DAB1: variants seen among roughly 807,000 people sequenced by gnomAD.
DAB1 encodes the protein DAB adaptor protein 1, also known as disabled homolog 1.
A neutral mutation model predicts 64.6 loss-of-function variants in DAB1; 15 were observed. That is an observed-to-expected ratio of 0.23 (90% CI 0.16 to 0.36). The LOEUF (loss-of-function observed/expected upper bound fraction) is 0.36, where lower values mean the gene tolerates loss of function less well. DAB1 is among the 10% of genes least tolerant of loss of function. DAB1 has a pLI of 1.00. For synonymous variants in DAB1, 235 were observed against 251.9 expected (o/e 0.93, Z 0.64); for missense variants, 596 against 706.7 (o/e 0.84, Z 1.78).
intron 2 of DAB1, among the ~76,000 whole-genome samples, chr1:57,284,187 G>A (rs1448053967): frequency 1.3e-5 from 2 of 152,106 alleles, no homozygotes; most frequent in African/African-American, 4.8e-5. Context: ...GTAATAGGTT[G>A]GGAATGAATA....
intron 3 of DAB1, among the ~76,000 whole-genome samples, chr1:58,470,152 ATTTATTTT>A (rs1188454211): frequency 8.0e-5 from 4 of 49,990 alleles, no homozygotes; most frequent in South Asian, 1.3e-3. Flanking sequence ...TTATTTATTT[ATTTATTTT>A]TATTTTTAAT....
chr1:57,477,633 C>A (rs190745305), intron 7 of DAB1, among the ~76,000 whole-genome samples: 2 of 152,160 alleles, frequency 1.3e-5, no homozygotes, highest in African/African-American at 4.8e-5. Context: ...ATCATAAAGA[C>A]CTTCATAAAC....
intron 4 of DAB1, among the ~76,000 whole-genome samples, chr1:58,316,285 T>C (rs1223254222): frequency 6.6e-6 from 1 of 152,248 alleles, no homozygotes; most frequent in Non-Finnish European, 1.5e-5. Flanking sequence ...CAGAGCAGAC[T>C]GTCTGGGTCT....
chr1:57,340,176 G>A (rs530085889), intron 1 of DAB1, among the ~76,000 whole-genome samples: 13 of 152,140 alleles, frequency 8.5e-5, no homozygotes, highest in Admixed American at 3.9e-4. Flanking sequence ...GGGAAGGAGA[G>A]GTAACACCAT....
chr1:57,732,799 T>C (rs1243033143), intron 6 of DAB1, among the ~76,000 whole-genome samples: 1 of 152,152 alleles, frequency 6.6e-6, no homozygotes, highest in Non-Finnish European at 1.5e-5. Context: ...AGACTGGTCC[T>C]GGGTCAATGC....
At chr1:57,081,235 G>A (rs548353724) in intron 4 of DAB1, among the ~76,000 whole-genome samples, 1 of 152,284 alleles carries the variant, frequency 6.6e-6, no homozygotes, top group East Asian at 1.9e-4. Context: ...ATATAAGGAA[G>A]ATCACTTAAC....
chr1:58,065,627 C>T (rs768862587), intron 5 of DAB1, among the ~76,000 whole-genome samples: 13 of 152,086 alleles, frequency 8.5e-5, no homozygotes, highest in African/African-American at 2.7e-4. Flanking sequence ...GCGGAGAGTG[C>T]GCAGTGGCCA....
intron 7 of DAB1, among the ~76,000 whole-genome samples, chr1:57,509,749 G>T (rs1234030060): frequency 6.6e-6 from 1 of 152,084 alleles, no homozygotes; most frequent in Non-Finnish European, 1.5e-5. Context: ...CTTACCCTCT[G>T]TGTCTCCTCT....
At chr1:57,174,269 GC>G (rs1316687582) in intron 2 of DAB1, among the ~76,000 whole-genome samples, 1 of 152,058 alleles carries the variant, frequency 6.6e-6, no homozygotes, top group African/African-American at 2.4e-5. Flanking sequence ...TCTGCTCTGG[GC>G]ATTCCAATAC....
chr1:57,079,582 G>T (rs574139564), intron 4 of DAB1, among the ~76,000 whole-genome samples: 4 of 152,226 alleles, frequency 2.6e-5, no homozygotes, highest in Admixed American at 2.0e-4. Context: ...GCTTCCCATG[G>T]CTCTTAGGAT....
chr1:58,382,123 G>T (rs1644395495), intron 3 of DAB1, among the ~76,000 whole-genome samples: 1 of 152,206 alleles, frequency 6.6e-6, no homozygotes, highest in African/African-American at 2.4e-5. Flanking sequence ...TTAAATGGGG[G>T]AGGCAATACA....
At chr1:57,849,019 A>T (rs1300386484) in intron 1 of DAB1, among the ~76,000 whole-genome samples, 1 of 152,208 alleles carries the variant, frequency 6.6e-6, no homozygotes, top group East Asian at 1.9e-4. Flanking sequence ...TTTTAAAACA[A>T]GTCTTCTGTT....
intron 7 of DAB1, among the ~76,000 whole-genome samples, chr1:57,553,410 G>GAAAAAGAAAGAAAGAAAGAAAGAA (rs879761183): frequency 1.2e-5 from 1 of 85,700 alleles, no homozygotes; most frequent in Admixed American, 1.4e-4. Context: ...AAGAAAGAAA[G>GAAAAAGAAAGAAAGAAAGAAAGAA]AAAGAAAGAA....
intron 4 of DAB1, among the ~76,000 whole-genome samples, chr1:58,240,805 T>C (rs539009565): frequency 6.6e-6 from 1 of 152,306 alleles, no homozygotes; most frequent in South Asian, 2.1e-4. Flanking sequence ...CCAATAAGCA[T>C]GGTCCCTGGT....
At chr1:57,035,341 T>C (rs1480741649) in intron 9 of DAB1, among the ~76,000 whole-genome samples, 1 of 152,184 alleles carries the variant, frequency 6.6e-6, no homozygotes, top group Admixed American at 6.5e-5. Flanking sequence ...GCATGATGGA[T>C]GAATTAAATA....
chr1:57,216,156 T>C (rs1240568037), intron 2 of DAB1, among the ~76,000 whole-genome samples: 1 of 152,058 alleles, frequency 6.6e-6, no homozygotes, highest in Non-Finnish European at 1.5e-5. Flanking sequence ...TTTAAAAATC[T>C]AGTATGTGGA....
intron 5 of DAB1, among the ~76,000 whole-genome samples, chr1:58,132,739 G>A (rs1014206386): frequency 3.9e-5 from 6 of 152,140 alleles, no homozygotes; most frequent in African/African-American, 1.2e-4. Flanking sequence ...AGCCAGCCTC[G>A]CCAGGATGCT....
intron 2 of DAB1, among the ~76,000 whole-genome samples, chr1:57,149,550 A>G (rs1659464606): frequency 6.6e-6 from 1 of 152,140 alleles, no homozygotes; most frequent in Admixed American, 6.5e-5. Context: ...GTGATATTTC[A>G]TTGCAGCTTT....
chr1:57,009,863 A>G (rs972478994), intron 14 of DAB1, among the ~76,000 whole-genome samples: 1 of 152,196 alleles, frequency 6.6e-6, no homozygotes, highest in Non-Finnish European at 1.5e-5. Flanking sequence ...CTTCTAGTAA[A>G]TGTAAGTACA....
Sources: gnomAD v4.1 joint callset for allele counts (sites outside exome capture counted in the v4.1 genomes callset) on GRCh38, gnomAD v4.1.1 for gene constraint, MANE v1.5 for transcripts, NCBI Gene and HGNC (gene_info 2026-07-23, HGNC 2026-07-21) for gene names.